Variants in EHF observed in about 807,000 individuals in gnomAD.
EHF encodes the protein ETS homologous factor, also known as ESE3 transcription factor.
Under a neutral mutation model 45.1 loss-of-function variants are expected in EHF, and 14 were observed. The observed-to-expected ratio is 0.31, with a 90% confidence interval of 0.21 to 0.49. The LOEUF is 0.49. EHF is among the 20% of genes least tolerant of loss of function. The pLI is 0.99. For missense variants in EHF, 282 were observed against 371.4 expected (o/e 0.76, Z 1.98); for synonymous variants, 136 against 131.8 (o/e 1.03, Z -0.22).
At chr11:34,632,287 C>G (rs1852966646) in intron 1 of EHF, among the ~76,000 whole-genome samples, 1 of 152,172 alleles carries the variant, frequency 6.6e-6, no homozygotes, top group Non-Finnish European at 1.5e-5. Flanking sequence ...GCTGCCAACT[C>G]AAATGAAAAG....
intron 4 of EHF, among the ~76,000 whole-genome samples, chr11:34,649,808 C>T (rs1439917421): frequency 6.6e-6 from 1 of 152,168 alleles, no homozygotes; most frequent in East Asian, 1.9e-4. Flanking sequence ...GCCTGGGAGC[C>T]ACGTGGGCCA....
chr11:34,622,676 G>A (rs1401353202), intron 1 of EHF, among the ~76,000 whole-genome samples: 2 of 152,176 alleles, frequency 1.3e-5, no homozygotes, highest in East Asian at 1.9e-4. Context: ...ATTCTGGGAT[G>A]ATGAAATAAC....
chr11:34,647,044 C>CAAA, intron 3 of EHF: 1 of 157,010 alleles, frequency 6.4e-6, no homozygotes, highest in Non-Finnish European at 1.2e-5. Flanking sequence ...ATCATGGTTA[C>CAAA]AAAAAAAAAA....
At chr11:34,657,388 CTG>C (rs1855768716) in intron 7 of EHF, among the ~76,000 whole-genome samples, 2 of 152,200 alleles carry the variant, frequency 1.3e-5, no homozygotes, top group Admixed American at 1.3e-4. Flanking sequence ...CAAGAAATGA[CTG>C]TTTTTTCTTA....
chr11:34,623,788 C>T (rs1346383807), intron 1 of EHF, among the ~76,000 whole-genome samples: 4 of 152,196 alleles, frequency 2.6e-5, no homozygotes, highest in African/African-American at 7.2e-5. Flanking sequence ...CCCACCCAAT[C>T]TCCACAAATT....
chr11:34,632,688 G>A, intron 1 of EHF: 1 of 1,532,136 alleles, frequency 6.5e-7, no homozygotes, highest in Non-Finnish European at 8.7e-7. Flanking sequence ...GGGTTGCCCG[G>A]CTCTCTCTGC....
rs1292094474 is a variant in EHF at position 34,660,402 on chromosome 11, A to G, written c.*1471A>G. On this transcript the variant is annotated 3_prime_UTR_variant, in exon 9 of 9. Coordinates refer to ENST00000257831, the MANE Select transcript of EHF (RefSeq NM_012153.6). ...TCTCATCTGAACTGATCCCAGGTGAACGGTTTATTGCCTAGATTTGTACTC... is the reference window on the plus strand; with the variant it reads ...TCTCATCTGAACTGATCCCAGGTGAGCGGTTTATTGCCTAGATTTGTACTC... The G allele has an allele frequency of 6.6e-6, 1 of 152,114 alleles. No individual in the cohort carries two copies. Among genetic ancestry groups the G allele is most frequent in the African/African-American group, 2.4e-5 (1 of 41,440 alleles). 9.4% of individuals were successfully genotyped at this position (152,114 alleles called of 1,614,324 possible).
Position 34,646,651 on chromosome 11 carries a change from C to T in EHF, c.310C>T (p.Leu104Phe). The T allele has an allele frequency of 6.2e-7, 1 of 1,612,890 alleles. No individual in the cohort carries two copies. The highest frequency in any genetic ancestry group is 8.5e-7 in the Non-Finnish European group (1 of 1,179,988). Residue 104 changes from leucine (L) to phenylalanine (F), a missense_variant, in exon 3 of 9, where the codon CTC (leucine) becomes TTC (phenylalanine). Physicochemically the swap from Leu to Phe is conservative, Grantham distance 22. Transcript: ENST00000257831. ...TRAAGTAGQL[L>F]YSNLQHLKWN... ...GGCGGCAGGGACGGCGGGGCAGCTC[C>T]TCTACAGCAACTTGCAGCATCTGAA... is the stretch of plus-strand genomic sequence containing the variant.
At chr11:34,624,912 GA>G (rs969414920) in intron 1 of EHF, among the ~76,000 whole-genome samples, 23 of 152,286 alleles carry the variant, frequency 1.5e-4, no homozygotes, top group African/African-American at 5.5e-4. Context: ...GTGTGTCCCA[GA>G]GCACACATTC....
chr11:34,633,905 C>T (rs758361476), intron 1 of EHF, among the ~76,000 whole-genome samples: 3 of 152,108 alleles, frequency 2.0e-5, no homozygotes, highest in Non-Finnish European at 4.4e-5. Flanking sequence ...TTCCAAATGG[C>T]TTACAGTCAA....
intron 1 of EHF, among the ~76,000 whole-genome samples, chr11:34,622,707 T>A (rs548080541): frequency 2.9e-4 from 44 of 152,348 alleles, no homozygotes; most frequent in African/African-American, 1.0e-3. Flanking sequence ...CATCTTCTTA[T>A]AATATGGAGT....
chr11:34,649,212 C>T lies in EHF; in HGVS notation c.406+131C>T, dbSNP rs553741335. 1.1e-5 allele frequency: 9 copies of T among 835,536 alleles called. No homozygotes were observed. The African/African-American group carries it at 1.2e-4, about 11-fold the overall frequency. 51.8% of individuals were successfully genotyped at this position (835,536 alleles called of 1,614,324 possible). A position where few individuals can be genotyped will look rare whatever the true frequency, so the allele number is the denominator to read the frequency against. ...ACAGGGAGGCCTTTTCCCTGGCTGT[C>T]TCTGATGGGCCACCCCCACCATGAA... On this transcript the variant is annotated intron_variant, in intron 4 of 8. Transcript: ENST00000257831.
At chr11:34,656,715 C>T (rs1855708174) in intron 6 of EHF, among the ~76,000 whole-genome samples, 193 bp from the exon 7 acceptor site, 1 of 152,194 alleles carries the variant, frequency 6.6e-6, no homozygotes, top group Non-Finnish European at 1.5e-5. Context: ...ACATCTATCT[C>T]CATTTCTTAA....
At chr11:34,628,397 A>G (rs1295134559) in intron 1 of EHF, among the ~76,000 whole-genome samples, 1 of 152,208 alleles carries the variant, frequency 6.6e-6, no homozygotes, top group African/African-American at 2.4e-5. Context: ...TATTATTTTG[A>G]GAAGAGGCCT....
intron 1 of EHF, chr11:34,624,237 A>C (rs936122480): frequency 2.6e-5 from 26 of 984,884 alleles, no homozygotes; most frequent in Non-Finnish European, 3.1e-5. Context: ...GCTCCACTGC[A>C]GCCTGGGTGT....
In EHF at chr11:34,656,956, A is replaced by G. The variant is rs2134229397; in HGVS notation, c.593A>G (p.His198Arg). 1 of 1,613,644 alleles carries G rather than the reference A, an allele frequency of 6.2e-7. No individual in the cohort carries two copies. The highest frequency in any genetic ancestry group is 2.2e-5 in the East Asian group (1 of 44,782). The change falls in exon 7 of 9, where the codon CAC (histidine) becomes CGC (arginine). Residue 198 changes from histidine (H) to arginine (R), a missense_variant. By Grantham distance (29) the His-to-Arg change is conservative. Transcript: ENST00000257831. ...GAGCAAGACCCCCCTGCCAAGTGCC[A>G]CACCAAAAAGCACAGTAAGTTGGCT... ...KKEQDPPAKC[H>R]TKKHNPRGTH...
chr11:34,648,880 C>T (rs1174746923), intron 3 of EHF, 139 bp from the exon 4 acceptor site: 2 of 750,884 alleles, frequency 2.7e-6, no homozygotes, highest in Non-Finnish European at 4.3e-6. Flanking sequence ...ACAGAGAAAC[C>T]ACCTCCCATA....
intron 1 of EHF, among the ~76,000 whole-genome samples, chr11:34,634,160 T>C (rs1475402282): frequency 6.6e-6 from 1 of 152,100 alleles, no homozygotes; most frequent in Non-Finnish European, 1.5e-5. Flanking sequence ...TTGTATGTAT[T>C]ATATTCAGTT....
intron 1 of EHF, among the ~76,000 whole-genome samples, chr11:34,626,055 C>T (rs757620560): frequency 6.6e-6 from 1 of 152,230 alleles, no homozygotes; most frequent in Non-Finnish European, 1.5e-5. Flanking sequence ...CTCATTAACC[C>T]TGTCATTTTA....
Sources: allele counts gnomAD v4.1 joint callset (sites outside exome capture counted in the v4.1 genomes callset), GRCh38; gene constraint gnomAD v4.1.1; transcripts MANE v1.5; gene names NCBI Gene and HGNC (gene_info 2026-07-23, HGNC 2026-07-21).